Variants in SRGAP1 observed in about 807,000 individuals in gnomAD.
SRGAP1 encodes SLIT-ROBO Rho GTPase activating protein 1.
In SRGAP1, 43 loss-of-function variants were observed where a neutral mutation model predicts 121.9. That is an observed-to-expected ratio of 0.35 (90% CI 0.28 to 0.46). The LOEUF is 0.46. Among genes scored for constraint, SRGAP1 ranks in the 20% least tolerant of loss-of-function variants. SRGAP1 has a pLI of 1.00. For synonymous variants in SRGAP1, 447 were observed against 485.4 expected, an observed-to-expected ratio of 0.92 and a Z score of 1.04; for missense variants, 1,102 against 1,350.9, an observed-to-expected ratio of 0.82 and a Z score of 2.89.
At chr12:63,942,830 G>A (rs73115816) in intron 1 of SRGAP1, among the ~76,000 whole-genome samples, 5,617 of 152,138 alleles carry the variant, frequency 0.037, 115 homozygotes, top group Non-Finnish European at 0.047. Context: ...ATTTGTTATC[G>A]TTCTTAGCAC....
At position 64,150,370 on chromosome 12, in the gene SRGAP1, G is replaced by A. The variant is rs1398093930; in HGVS notation, c.*7698G>A. On this transcript the variant is annotated 3_prime_UTR_variant, in exon 22 of 22. Coordinates refer to ENST00000355086, the MANE Select transcript of SRGAP1 (RefSeq NM_020762.4). ...TCAGGGGTGCTTCCGAGGGTCACTG[G>A]GTTTCTTTTAGCTGCTTGGCTGTGC... is the stretch of plus-strand genomic sequence containing the variant. 1 of 152,120 alleles carries A rather than the reference G, an allele frequency of 6.6e-6. No homozygotes were observed. The highest frequency in any genetic ancestry group is 2.4e-5 in the African/African-American group (1 of 41,422). The allele number at this position is 152,120 out of a possible 1,614,324, so 9.4% of individuals were successfully genotyped here. A position where few individuals can be genotyped will look rare whatever the true frequency, so the allele number is the denominator to read the frequency against.
chr12:64,090,839 T>TA (rs913155721), intron 11 of SRGAP1, among the ~76,000 whole-genome samples: 94 of 148,826 alleles, frequency 6.3e-4, no homozygotes, highest in Non-Finnish European at 9.3e-4. Flanking sequence ...GACTCTGACT[T>TA]AAAAAAAAAA....
intron 1 of SRGAP1, among the ~76,000 whole-genome samples, chr12:63,892,861 C>T (rs75938738): frequency 0.023 from 3,503 of 151,710 alleles, 66 homozygotes; most frequent in Middle Eastern, 0.048. Flanking sequence ...GAGACTGTAG[C>T]GCATTTAATT....
intron 21 of SRGAP1, among the ~76,000 whole-genome samples, chr12:64,138,768 G>A (rs2036905487): frequency 6.6e-6 from 1 of 152,090 alleles, no homozygotes. Flanking sequence ...AAATGAGGTA[G>A]TGATGCTTTC....
intron 1 of SRGAP1, among the ~76,000 whole-genome samples, chr12:63,908,069 A>G (rs894530781): frequency 1.3e-5 from 2 of 152,150 alleles, no homozygotes; most frequent in African/African-American, 2.4e-5. Context: ...ATATTGATGC[A>G]TATGTATGTC....
intron 6 of SRGAP1, among the ~76,000 whole-genome samples, chr12:64,054,809 C>T (rs1362021514): frequency 1.3e-5 from 2 of 151,646 alleles, no homozygotes; most frequent in African/African-American, 2.4e-5. Context: ...CATATGTATA[C>T]ATGTGCCATG....
At chr12:63,886,512 C>T (rs1447433524) in intron 1 of SRGAP1, among the ~76,000 whole-genome samples, 1 of 149,146 alleles carries the variant, frequency 6.7e-6, no homozygotes, top group Non-Finnish European at 1.5e-5. Context: ...AAGACAGTCT[C>T]ACCTTGTCGT....
chr12:64,053,919 A>G (rs1382359308), intron 6 of SRGAP1, among the ~76,000 whole-genome samples: 1 of 152,150 alleles, frequency 6.6e-6, no homozygotes, highest in African/African-American at 2.4e-5. Flanking sequence ...TCTTAATGCT[A>G]GGATCCTCTG....
intron 4 of SRGAP1, among the ~76,000 whole-genome samples, chr12:64,019,625 C>T (rs2034495689): frequency 6.6e-6 from 1 of 152,152 alleles, no homozygotes; most frequent in Admixed American, 6.5e-5. Context: ...GTCTTTCTTG[C>T]ATTTTATCTT....
At chr12:63,903,577 A>G (rs2030045445) in intron 1 of SRGAP1, among the ~76,000 whole-genome samples, 1 of 147,928 alleles carries the variant, frequency 6.8e-6, no homozygotes, top group African/African-American at 2.6e-5. Context: ...TTTCTTTGAG[A>G]CAGAGTCTCA....
chr12:64,130,849 A>C (rs2036773952), intron 21 of SRGAP1, among the ~76,000 whole-genome samples: 1 of 152,230 alleles, frequency 6.6e-6, no homozygotes, highest in African/African-American at 2.4e-5. Flanking sequence ...CCATATCCGG[A>C]GTAACTGTCT....
chr12:63,866,950 C>A (rs1899657404), intron 1 of SRGAP1, among the ~76,000 whole-genome samples: 1 of 151,896 alleles, frequency 6.6e-6, no homozygotes, highest in African/African-American at 2.4e-5. Flanking sequence ...CTCACTGCAG[C>A]CTCAATCTCC....
chr12:63,928,357 C>T (rs1238472145), intron 1 of SRGAP1, among the ~76,000 whole-genome samples: 1 of 152,128 alleles, frequency 6.6e-6, no homozygotes, highest in East Asian at 1.9e-4. Flanking sequence ...CATATATCCT[C>T]GAAAAGACTT....
intron 1 of SRGAP1, among the ~76,000 whole-genome samples, chr12:63,906,475 G>A (rs571471889): frequency 1.6e-4 from 25 of 151,928 alleles, no homozygotes; most frequent in Admixed American, 3.9e-4. Flanking sequence ...CACCACGCCC[G>A]GCTAATTTTT....
chr12:64,056,430 G>A (rs1016080971), intron 6 of SRGAP1, among the ~76,000 whole-genome samples: 6 of 151,626 alleles, frequency 4.0e-5, no homozygotes, highest in Admixed American at 2.0e-4. Context: ...CTAGGTGCCT[G>A]TAATCCCAAC....
chr12:64,062,232 A>G (rs1169628723), intron 6 of SRGAP1, among the ~76,000 whole-genome samples: 2 of 152,124 alleles, frequency 1.3e-5, no homozygotes, highest in African/African-American at 4.8e-5. Flanking sequence ...GTGGGTGTGA[A>G]GTGGTATCTC....
At chr12:63,968,478 C>T (rs1209127479) in intron 1 of SRGAP1, among the ~76,000 whole-genome samples, 1 of 152,126 alleles carries the variant, frequency 6.6e-6, no homozygotes, top group Non-Finnish European at 1.5e-5. Context: ...AAGCATGTGC[C>T]CCCCATGTAA....
chr12:63,906,634 A>T (rs1407274077), intron 1 of SRGAP1, among the ~76,000 whole-genome samples: 1 of 151,946 alleles, frequency 6.6e-6, no homozygotes, highest in African/African-American at 2.4e-5. Context: ...TTACTTATCC[A>T]TTTACCTGTT....
intron 1 of SRGAP1, among the ~76,000 whole-genome samples, chr12:63,934,125 C>T (rs1421553041): frequency 6.6e-6 from 1 of 151,612 alleles, no homozygotes; most frequent in African/African-American, 2.4e-5. Flanking sequence ...AAACCTTAAC[C>T]TGAAAAAAAC....
Sources: allele counts gnomAD v4.1 joint callset (sites outside exome capture counted in the v4.1 genomes callset), GRCh38; gene constraint gnomAD v4.1.1; transcripts MANE v1.5; gene names NCBI Gene and HGNC (gene_info 2026-07-23, HGNC 2026-07-21).